The following MROH2B variants were observed in gnomAD, a reference collection of about 807,000 sequenced individuals.
MROH2B encodes the protein maestro heat like repeat family member 2B.
A neutral mutation model predicts 208.6 loss-of-function variants in MROH2B; 177 were observed. The observed-to-expected ratio is 0.85, with a 90% CI of 0.75 to 0.96. The LOEUF is 0.96. MROH2B is among the 40% of genes least tolerant of loss of function. The probability of loss-of-function intolerance (pLI) is 0.00; values close to 1 mark genes in which losing one functional copy is unlikely to be tolerated. For missense variants in MROH2B, 2,002 were observed against 1,878.7 expected, an observed-to-expected ratio of 1.07 and a Z score of -1.21; for synonymous variants, 728 against 659.0, an observed-to-expected ratio of 1.10 and a Z score of -1.60.
At position 41,012,650 on chromosome 5, in the gene MROH2B, C is replaced by T. The variant is rs754578050; in HGVS notation, c.3068G>A (p.Cys1023Tyr). Residue 1023 changes from cysteine (C) to tyrosine (Y), a missense_variant, in exon 30 of 42, where the codon TGT becomes TAT. Coordinates refer to ENST00000399564, the MANE Select transcript of MROH2B (RefSeq NM_173489.5). Reference protein sequence around the residue: ...LDGLESLNPTCTKACGIWMIT... With the variant: ...LDGLESLNPTYTKACGIWMIT... ...CATCCATATGCCACAGGCCTTTGTACAAGTGGGGTTGAGGCTCTCCAGACC... is the reference window on the plus strand; with the variant it reads ...CATCCATATGCCACAGGCCTTTGTATAAGTGGGGTTGAGGCTCTCCAGACC... The T allele has an allele frequency of 1.2e-6, 2 of 1,613,886 alleles. No homozygotes were observed. Among genetic ancestry groups the T allele is most frequent in the Admixed American group, 1.7e-5 (1 of 60,006 alleles).
rs769482829 is a variant in MROH2B at position 41,058,128 on chromosome 5, G to A, written c.691C>T (p.Leu231=). The change falls in exon 7 of 42, where the codon CTG becomes TTG. Residue 231 remains leucine, a synonymous_variant. Coordinates refer to ENST00000399564, the MANE Select transcript of MROH2B (RefSeq NM_173489.5). ...LHREDFRGYA[L]GQVPWLLNQY... is the part of the protein sequence containing the mutation. ...TTCAGGAGCCAGGGCACCTGGCCCA[G>A]GGCGTATCCACGGAAGTCTTCCCGA... The A allele has an allele frequency of 2.1e-5, 33 of 1,606,696 alleles. No homozygotes were observed. The highest frequency in any genetic ancestry group is 2.8e-5 in the Non-Finnish European group (33 of 1,176,400).
rs1345486515 is a variant in MROH2B at position 41,067,226 on chromosome 5, T to A, written c.91-8A>T. 6.7e-7 allele frequency: 1 copy of A among 1,492,896 alleles called. No individual in the cohort carries two copies. The highest frequency in any genetic ancestry group is 2.0e-5 in the Admixed American group (1 of 50,930). The allele number at this position is 1,492,896 out of a possible 1,614,324, so 92.5% of individuals were successfully genotyped here. A position where few individuals can be genotyped will look rare whatever the true frequency, so the allele number is the denominator to read the frequency against. On this transcript the variant is annotated splice_polypyrimidine_tract_variant and splice_region_variant and intron_variant, in intron 2 of 41. Coordinates refer to ENST00000399564, the MANE Select transcript of MROH2B (RefSeq NM_173489.5). ...ATGACTGTAAATGTCTTCCTGTGAA[T>A]ATACAAAGGCATACACAGAAATTTG...
intron 24 of MROH2B, 126 bp from the exon 25 acceptor site, chr5:41,019,144 G>A: frequency 2.5e-6 from 3 of 1,179,532 alleles, no homozygotes; most frequent in Non-Finnish European, 3.6e-6. Context: ...CTGACACGTT[G>A]GGATGTTGAG....
intron 29 of MROH2B, among the ~76,000 whole-genome samples, chr5:41,013,391 G>A (rs6893080): frequency 0.47 from 72,192 of 151,988 alleles, 17,283 homozygotes; most frequent in African/African-American, 0.51. Context: ...CTGTGTGTGC[G>A]CATTAATGAA....
chr5:41,046,125 CT>C lies in MROH2B; in HGVS notation c.1729-273del, dbSNP rs374527332. 1.1e-3 allele frequency among the ~76,000 whole-genome samples: 173 copies of C among 151,774 alleles called. 1 individual carries two copies. The South Asian group carries it at 0.015, about 13-fold the overall frequency. ...CTTTAAATAAATATTGCTAAAAGAC[CT>C]AAAATATAAACTAATCCAATCTGAA... On this transcript the variant is annotated intron_variant, in intron 17 of 41. Transcript: ENST00000399564.
intron 24 of MROH2B, among the ~76,000 whole-genome samples, chr5:41,020,297 C>G (rs1742101556): frequency 6.6e-6 from 1 of 152,120 alleles, no homozygotes; most frequent in Admixed American, 6.6e-5. Flanking sequence ...TTTTAAATGA[C>G]ATATGTGACT....
Position 41,018,946 on chromosome 5 carries a change from G to A in MROH2B, c.2514C>T (p.Pro838=). Residue 838 remains proline (P), a synonymous_variant, in exon 25 of 42, where the codon CCC becomes CCT. Transcript: ENST00000399564. ...TTTTCAGATTTTCCAGAGGTGGAAG[G>A]GGCAGCAGCCTCCGAATATTCTCCT... is the stretch of plus-strand genomic sequence containing the variant. ...ILEENIRRLL[P]LPPLENLKSE... is the part of the protein sequence containing the mutation. 2 of 1,613,852 alleles carry A rather than the reference G, an allele frequency of 1.2e-6. No individual in the cohort carries two copies. Among genetic ancestry groups the A allele is most frequent in the Non-Finnish European group, 1.7e-6 (2 of 1,179,858 alleles).
At chr5:41,069,025 AT>A (rs373637256) in intron 2 of MROH2B, among the ~76,000 whole-genome samples, 2 of 151,246 alleles carry the variant, frequency 1.3e-5, no homozygotes, top group Admixed American at 6.6e-5. Flanking sequence ...GATTAGGAAC[AT>A]TTTTTTTTGG....
Position 41,055,790 on chromosome 5 carries a change from T to C in MROH2B, c.985A>G (p.Ile329Val), listed in dbSNP as rs781042523. The C allele has an allele frequency of 1.2e-6, 2 of 1,613,874 alleles. No homozygotes were observed. Among genetic ancestry groups the C allele is most frequent in the Non-Finnish European group, 1.7e-6 (2 of 1,179,832 alleles). Residue 329 changes from isoleucine to valine, a missense_variant, in exon 10 of 42, where the codon ATT (isoleucine) becomes GTT (valine). Transcript: ENST00000399564. ...AACAAAGTCAAGATTCCCACTCGAA[T>C]GGCTTCATTATTACTTCTTACTTGT... The part of the protein sequence containing the change: ...DEQVRSNNEA[I>V]RVGILTLLRL...
chr5:41,059,909 A>T (rs387699), intron 6 of MROH2B, among the ~76,000 whole-genome samples: 126,396 of 152,178 alleles, frequency 0.83, 52,593 homozygotes, highest in Middle Eastern at 0.87. Context: ...CAAATCTATA[A>T]GTCCAATTTT....
chr5:41,038,246 T>C (rs760077722), intron 21 of MROH2B, among the ~76,000 whole-genome samples: 6 of 152,182 alleles, frequency 3.9e-5, no homozygotes, highest in Non-Finnish European at 7.3e-5. Flanking sequence ...ACACTTCTGA[T>C]ACTATTACAG....
chr5:41,016,238 A>G (rs1561280695), intron 28 of MROH2B, among the ~76,000 whole-genome samples: 1 of 152,118 alleles, frequency 6.6e-6, no homozygotes, highest in Non-Finnish European at 1.5e-5. Context: ...TTAGTATCAC[A>G]CTTGTTACTT....
At chr5:41,050,739 T>TTA (rs1743259462) in intron 13 of MROH2B, among the ~76,000 whole-genome samples, 1 of 152,086 alleles carries the variant, frequency 6.6e-6, no homozygotes, top group Non-Finnish European at 1.5e-5. Flanking sequence ...TATATTAATA[T>TTA]TATATATATA....
chr5:41,047,615 AG>A, intron 17 of MROH2B, 105 bp downstream of exon 17: 2 of 998,038 alleles, frequency 2.0e-6, no homozygotes, highest in Non-Finnish European at 3.0e-6. Context: ...AGAAAGGAAA[AG>A]GTTGTTTATT....
chr5:41,065,495 G>T lies in MROH2B; in HGVS notation c.202-5C>A. On this transcript the variant is annotated splice_polypyrimidine_tract_variant and splice_region_variant and intron_variant, in intron 3 of 41. Transcript: ENST00000399564. ...CATTCTGATTTCTCTGAGCATCTGA[G>T]GAGGAAAAGAAAAATAACAATAACA... The T allele has an allele frequency of 6.2e-7, 1 of 1,611,062 alleles. No homozygotes were observed.
chr5:41,069,271 G>C (rs966746987), intron 2 of MROH2B, among the ~76,000 whole-genome samples: 1 of 152,102 alleles, frequency 6.6e-6, no homozygotes, highest in African/African-American at 2.4e-5. Context: ...TTTTATAAAA[G>C]GTTGTTGAAA....
chr5:41,046,491 C>T (rs1743124634), intron 17 of MROH2B, among the ~76,000 whole-genome samples: 1 of 151,632 alleles, frequency 6.6e-6, no homozygotes, highest in African/African-American at 2.4e-5. Context: ...ATTATCTCTC[C>T]TATATTTTTT....
At chr5:41,027,590 G>A (rs1287837109) in intron 24 of MROH2B, among the ~76,000 whole-genome samples, 1 of 152,172 alleles carries the variant, frequency 6.6e-6, no homozygotes, top group Non-Finnish European at 1.5e-5. Context: ...CACTGTTGGT[G>A]GGACGTAAAG....
chr5:41,036,450 T>G (rs1042161567), intron 21 of MROH2B, among the ~76,000 whole-genome samples: 1 of 152,158 alleles, frequency 6.6e-6, no homozygotes, highest in African/African-American at 2.4e-5. Context: ...AAACATTGTT[T>G]TCTTCCCAGT....
Sources: allele counts gnomAD v4.1 joint callset (sites outside exome capture counted in the v4.1 genomes callset), GRCh38; gene constraint gnomAD v4.1.1; transcripts MANE v1.5; gene names NCBI Gene and HGNC (gene_info 2026-07-23, HGNC 2026-07-21).